TMEM132E: variants seen among roughly 807,000 people sequenced by gnomAD.
TMEM132E encodes transmembrane protein 132E.
In TMEM132E, 49 loss-of-function variants were observed where a neutral mutation model predicts 78.5. The observed-to-expected ratio is 0.62, with a 90% CI of 0.50 to 0.79. The LOEUF (loss-of-function observed/expected upper bound fraction) is 0.79. TMEM132E is among the 30% of genes least tolerant of loss of function. The probability of loss-of-function intolerance (pLI) is 0.00; values close to 1 mark genes in which losing one functional copy is unlikely to be tolerated. For missense variants in TMEM132E, 1,403 were observed against 1,470.9 expected (o/e 0.95, Z 0.75); for synonymous variants, 715 against 670.6 (o/e 1.07, Z -1.02).
In TMEM132E at chr17:34,586,676, A is replaced by T. The variant is rs1290633549; in HGVS notation, c.67+5533A>T. On this transcript the variant is annotated intron_variant, in intron 1 of 8. Transcript: ENST00000631683. Reference sequence around the variant, plus strand: ...CCACTTCCCACCCACTCTCTGCCATACACACTTCCATCCCAGGCCCTGCTG... The same window carrying T: ...CCACTTCCCACCCACTCTCTGCCATTCACACTTCCATCCCAGGCCCTGCTG... 2.0e-5 allele frequency among the ~76,000 whole-genome samples: 3 copies of T among 152,104 alleles called. No individual in the cohort carries two copies. In the East Asian group the frequency reaches 5.8e-4, roughly 29 times the overall value.
Position 34,580,252 on chromosome 17 carries a change from TG to T in TMEM132E, c.-821del, listed in dbSNP as rs1255802865. The T allele has an allele frequency of 6.6e-5, 10 of 152,220 alleles. No individual in the cohort carries two copies. Among genetic ancestry groups the T allele is most frequent in the Non-Finnish European group, 1.2e-4 (8 of 68,104 alleles). 9.4% of individuals were successfully genotyped at this position (152,220 alleles called of 1,614,324 possible). A position where few individuals can be genotyped will look rare whatever the true frequency, so the allele number is the denominator to read the frequency against. On this transcript the variant is annotated 5_prime_UTR_variant, in exon 1 of 9. The change abolishes the stop of an existing upstream ORF in the 5' untranslated region. Coordinates refer to ENST00000631683, the MANE Select transcript of TMEM132E (RefSeq NM_001304438.2). ...CTCGCTTCTCCAAGCCCCATCTACATGGGGCAGCCCGTTCTGGCCGCGCCAC... is the reference window on the plus strand; with the variant it reads ...CTCGCTTCTCCAAGCCCCATCTACATGGGCAGCCCGTTCTGGCCGCGCCAC...
intron 6 of TMEM132E, among the ~76,000 whole-genome samples, chr17:34,633,980 G>A (rs1053209046): frequency 7.9e-5 from 12 of 152,160 alleles, no homozygotes; most frequent in Admixed American, 4.6e-4. Flanking sequence ...CTCCATCTCC[G>A]TATCTGTAAA....
intron 6 of TMEM132E, among the ~76,000 whole-genome samples, chr17:34,634,486 C>T (rs1004986658): frequency 6.6e-6 from 1 of 152,244 alleles, no homozygotes; most frequent in African/African-American, 2.4e-5. Context: ...CAGTGCCAGG[C>T]ACAAACTTAG....
intron 1 of TMEM132E, among the ~76,000 whole-genome samples, chr17:34,605,633 AAAG>A (rs1446273150): frequency 7.9e-5 from 12 of 152,200 alleles, no homozygotes; most frequent in Admixed American, 7.2e-4. Context: ...AGCATCTAGG[AAAG>A]AAGATTTATT....
rs1177799841 is a variant in TMEM132E, at chr17:34,637,735, A to C, written c.2728A>C (p.Ile910Leu). 1 of 1,613,450 alleles carries C rather than the reference A, an allele frequency of 6.2e-7. No individual in the cohort carries two copies. The change falls in exon 9 of 9, where the codon ATC becomes CTC. Residue 910 changes from isoleucine (I) to leucine (L), a missense_variant. By Grantham distance (5) the Ile-to-Leu change is conservative (BLOSUM62 2). Coordinates refer to ENST00000631683, the MANE Select transcript of TMEM132E (RefSeq NM_001304438.2). Reference protein sequence around the residue: ...LAILVFLINCIVFVLRYRHKR... With the variant: ...LAILVFLINCLVFVLRYRHKR... The stretch of plus-strand genomic sequence containing the variant: ...CATCCTCGTCTTCCTCATCAACTGC[A>C]TCGTTTTTGTGCTGCGCTACCGGCA...
At chr17:34,615,983 C>T (rs983813574) in intron 1 of TMEM132E, among the ~76,000 whole-genome samples, 6 of 152,156 alleles carry the variant, frequency 3.9e-5, no homozygotes, top group Non-Finnish European at 8.8e-5. Context: ...ATTCTCACTC[C>T]GTTGTACAGT....
At chr17:34,601,981 A>G (rs1436001487) in intron 1 of TMEM132E, among the ~76,000 whole-genome samples, 1 of 152,172 alleles carries the variant, frequency 6.6e-6, no homozygotes, top group East Asian at 1.9e-4. Flanking sequence ...ATTTGGACTC[A>G]CAGTCTAGTG....
intron 1 of TMEM132E, among the ~76,000 whole-genome samples, chr17:34,613,211 A>ACACACGAG: frequency 8.6e-6 from 1 of 115,856 alleles, no homozygotes; most frequent in Non-Finnish European, 1.8e-5. Context: ...ACACACACAC[A>ACACACGAG]CGCGCGCGCG....
intron 1 of TMEM132E, among the ~76,000 whole-genome samples, chr17:34,586,135 C>G (rs1227929112): frequency 6.6e-6 from 1 of 152,140 alleles, no homozygotes; most frequent in South Asian, 2.1e-4. Flanking sequence ...TCTCCCCAAG[C>G]ACACGCCTCT....
intron 1 of TMEM132E, among the ~76,000 whole-genome samples, chr17:34,613,588 C>T (rs544450242): frequency 6.0e-4 from 91 of 152,074 alleles, no homozygotes; most frequent in Middle Eastern, 6.8e-3. Flanking sequence ...TCTCCTATTT[C>T]CTTCCTCTCT....
At position 34,626,879 on chromosome 17, in the gene TMEM132E, A is replaced by G; in HGVS notation, c.820A>G (p.Ile274Val). The G allele has an allele frequency of 6.2e-7, 1 of 1,611,318 alleles. No homozygotes were observed. Among genetic ancestry groups the G allele is most frequent in the Non-Finnish European group, 8.5e-7 (1 of 1,179,794 alleles). ...TQHPLLRIGS[I>V]SLFRPPPRRT... ...GCACCCCCTGCTGCGCATCGGGAGCATCAGCCTGTTCCGCCCGCCCCCCAG... is the reference window on the plus strand; with the variant it reads ...GCACCCCCTGCTGCGCATCGGGAGCGTCAGCCTGTTCCGCCCGCCCCCCAG... The change falls in exon 2 of 9, where the codon ATC becomes GTC. Residue 274 changes from isoleucine to valine, a missense_variant. By Grantham distance (29) the Ile-to-Val change is conservative. Around this residue, in one of 3 missense-constraint regions of TMEM132E, gnomAD observed 511 missense variants for 499.0 expected, o/e 1.02. Coordinates refer to ENST00000631683, the MANE Select transcript of TMEM132E (RefSeq NM_001304438.2).
rs1038374590 is a variant in TMEM132E, at chr17:34,635,009, G to A, written c.1899G>A (p.Arg633=). The A allele has an allele frequency of 8.4e-5, 136 of 1,613,996 alleles. 1 individual carries two copies. The highest frequency in any genetic ancestry group is 1.1e-4 in the Non-Finnish European group (125 of 1,180,044). Residue 633 remains arginine (R), a synonymous_variant, in exon 7 of 9, where the codon CGG becomes CGA. Transcript: ENST00000631683. The part of the protein sequence containing the change: ...EVTDLVSDFM[R]VGDPRVAHMV... ...CCGACCTAGTCAGTGACTTCATGCG[G>A]GTGGGCGATCCCCGAGTGGCACACA...
At chr17:34,632,253 C>T (rs942861787) in intron 5 of TMEM132E, among the ~76,000 whole-genome samples, 10 of 152,222 alleles carry the variant, frequency 6.6e-5, no homozygotes, top group African/African-American at 2.4e-4. Flanking sequence ...TCCCCATCCC[C>T]TGCACCTCAA....
At chr17:34,587,398 C>T (rs1208307305) in intron 1 of TMEM132E, among the ~76,000 whole-genome samples, 1 of 152,156 alleles carries the variant, frequency 6.6e-6, no homozygotes, top group Non-Finnish European at 1.5e-5. Context: ...ACTTGGGGAG[C>T]ACCCAGTATA....
Position 34,619,873 on chromosome 17 carries a change from C to A in TMEM132E, c.68-6254C>A, listed in dbSNP as rs114003918. ...TAAACACTGACATCTGGTGTGGATG[C>A]ATGTGCATGTGCACACAGAGGTGAG... On this transcript the variant is annotated intron_variant, in intron 1 of 8. Coordinates refer to ENST00000631683, the MANE Select transcript of TMEM132E (RefSeq NM_001304438.2). Among the ~76,000 whole-genome samples, 980 of 152,376 alleles carry A rather than the reference C, an allele frequency of 6.4e-3. 16 individuals are homozygous for A. The highest frequency in any genetic ancestry group is 0.022 in the African/African-American group (916 of 41,582).
intron 1 of TMEM132E, among the ~76,000 whole-genome samples, chr17:34,591,582 A>T (rs1050602543): frequency 3.3e-5 from 5 of 152,154 alleles, no homozygotes; most frequent in Admixed American, 1.3e-4. Flanking sequence ...AAGTGTTGGG[A>T]TTATAGGCAT....
rs757870856 is a variant in TMEM132E at position 34,635,027 on chromosome 17, G to A, written c.1917G>A (p.Val639=). ...TCATGCGGGTGGGCGATCCCCGAGT[G>A]GCACACATGGTGGACAGCAGCACGC... ...SDFMRVGDPR[V]AHMVDSSTLA... is the part of the protein sequence containing the mutation. Residue 639 remains valine, a synonymous_variant, in exon 7 of 9, where the codon GTG becomes GTA. Transcript: ENST00000631683. The A allele has an allele frequency of 2.5e-6, 4 of 1,613,948 alleles. No individual in the cohort carries two copies. In the East Asian group the frequency reaches 8.9e-5, roughly 36 times the overall value.
Position 34,637,957 on chromosome 17 carries a change from C to T in TMEM132E, c.2950C>T (p.His984Tyr), listed in dbSNP as rs1432623790. The change falls in exon 9 of 9, where the codon CAC (histidine) becomes TAC (tyrosine). Residue 984 changes from histidine to tyrosine, a missense_variant. Around this residue, in one of 3 missense-constraint regions of TMEM132E, gnomAD observed 888 missense variants for 952.8 expected, o/e 0.93. Transcript: ENST00000631683. ...SSQTSVQSQV[H>Y]GRGDGSSGGS... ...GCAGACCAGCGTCCAGAGCCAGGTG[C>T]ACGGCAGGGGCGACGGCTCCTCGGG... 2 of 1,604,690 alleles carry T rather than the reference C, an allele frequency of 1.2e-6. No homozygotes were observed. The highest frequency in any genetic ancestry group is 1.7e-6 in the Non-Finnish European group (2 of 1,176,916).
At chr17:34,624,420 C>T (rs1227345300) in intron 1 of TMEM132E, among the ~76,000 whole-genome samples, 1 of 152,170 alleles carries the variant, frequency 6.6e-6, no homozygotes, top group Non-Finnish European at 1.5e-5. Context: ...CTAACTCCCA[C>T]ACAGGCAGGA....
Sources: allele counts gnomAD v4.1 joint callset (sites outside exome capture counted in the v4.1 genomes callset), GRCh38; gene constraint gnomAD v4.1.1; regional missense constraint gnomAD v4.1.1; transcripts MANE v1.5; gene names NCBI Gene and HGNC (gene_info 2026-07-23, HGNC 2026-07-21).